ANGPTL5: variants seen among roughly 807,000 people sequenced by gnomAD.
The protein encoded by ANGPTL5 is angiopoietin-related protein 5.
A neutral mutation model predicts 39.4 loss-of-function variants in ANGPTL5; 34 were observed. The ratio of observed to expected loss-of-function variants is 0.86; its 90% confidence interval spans 0.66 to 1.15. The LOEUF (loss-of-function observed/expected upper bound fraction) is 1.15. ANGPTL5 is among the 50% of genes most tolerant of loss of function. ANGPTL5 has a pLI of 0.00. For synonymous variants in ANGPTL5, 146 were observed against 152.1 expected (o/e 0.96, Z 0.29); for missense variants, 467 against 457.5 (o/e 1.02, Z -0.19).
chr11:101,899,623 A>C (rs1939859590), intron 7 of ANGPTL5, among the ~76,000 whole-genome samples: 1 of 152,244 alleles, frequency 6.6e-6, no homozygotes, highest in Non-Finnish European at 1.5e-5. Context: ...AAGTAAATTC[A>C]CTATACTCCA....
intron 7 of ANGPTL5, among the ~76,000 whole-genome samples, chr11:101,898,719 T>C (rs978516560): frequency 2.0e-5 from 3 of 152,210 alleles, no homozygotes; most frequent in Admixed American, 2.0e-4. Context: ...CCTTGTCTTG[T>C]GCTGTTTTTC....
chr11:101,900,349 A>T, intron 7 of ANGPTL5, 81 bp downstream of exon 7: 1 of 1,317,416 alleles, frequency 7.6e-7, no homozygotes, highest in Non-Finnish European at 1.1e-6. Context: ...TATTTTTACT[A>T]CAGATCTGAC....
chr11:101,897,345 A>C (rs942339462), intron 7 of ANGPTL5, among the ~76,000 whole-genome samples: 1 of 152,024 alleles, frequency 6.6e-6, no homozygotes, highest in Non-Finnish European at 1.5e-5. Context: ...GCTGTGCAGG[A>C]GCTCTTTAGT....
intron 6 of ANGPTL5, among the ~76,000 whole-genome samples, chr11:101,901,816 G>A (rs187824115): frequency 7.2e-5 from 11 of 152,000 alleles, no homozygotes; most frequent in East Asian, 1.9e-4. Flanking sequence ...AAGAGAAACC[G>A]GTAGTATTTA....
intron 1 of ANGPTL5, among the ~76,000 whole-genome samples, chr11:101,914,679 A>G (rs771600916): frequency 3.9e-5 from 6 of 152,226 alleles, no homozygotes; most frequent in Non-Finnish European, 8.8e-5. Flanking sequence ...AGGATTCAGT[A>G]GTTTAACAAA....
intron 8 of ANGPTL5, among the ~76,000 whole-genome samples, chr11:101,894,341 A>G (rs1939755150): frequency 6.6e-6 from 1 of 152,250 alleles, no homozygotes; most frequent in Admixed American, 6.5e-5. Context: ...CAAGTTTAAC[A>G]TCAAGTATTT....
intron 5 of ANGPTL5, among the ~76,000 whole-genome samples, chr11:101,903,139 A>G (rs1009929027): frequency 5.9e-5 from 9 of 152,168 alleles, no homozygotes; most frequent in African/African-American, 1.9e-4. Context: ...ATTAACCACT[A>G]CAGACACATA....
chr11:101,907,296 T>G, intron 2 of ANGPTL5, 49 bp from the exon 3 acceptor site: 3 of 1,155,666 alleles, frequency 2.6e-6, no homozygotes, highest in Non-Finnish European at 2.5e-6. Flanking sequence ...AAACATGTTA[T>G]ATGACCTAAT....
chr11:101,912,960 T>TTA (rs1176368515), intron 1 of ANGPTL5, among the ~76,000 whole-genome samples: 1 of 152,226 alleles, frequency 6.6e-6, no homozygotes, highest in Non-Finnish European at 1.5e-5. Context: ...AGTCATGCAC[T>TTA]CCTACACTTA....
At chr11:101,905,636 C>T in intron 4 of ANGPTL5, 108 bp downstream of exon 4, 1 of 793,912 alleles carries the variant, frequency 1.3e-6, no homozygotes, top group Non-Finnish European at 2.1e-6. Context: ...ATGGTAGGCG[C>T]TAAATAGATG....
intron 6 of ANGPTL5, among the ~76,000 whole-genome samples, chr11:101,900,807 G>A (rs1258204928): frequency 1.3e-5 from 2 of 151,786 alleles, no homozygotes; most frequent in Non-Finnish European, 2.9e-5. Flanking sequence ...CTTAATCACA[G>A]TCCTTATAAC....
rs1019706927 is a variant in ANGPTL5, at chr11:101,894,793, G to C, written c.847+86C>G. On this transcript the variant is annotated intron_variant, in intron 8 of 8. Coordinates refer to ENST00000334289, the MANE Select transcript of ANGPTL5 (RefSeq NM_178127.5). ...TTATCAGTTATGTGTTATATACAAA[G>C]ACAAATGCATTATTTTTATCTTCAC... is the stretch of plus-strand genomic sequence containing the variant. The C allele has an allele frequency of 2.4e-6, 3 of 1,275,238 alleles. No homozygotes were observed. In the East Asian group the frequency reaches 7.3e-5, roughly 31 times the overall value. The allele number at this position is 1,275,238 out of a possible 1,614,324, so 79.0% of individuals were successfully genotyped here.
intron 1 of ANGPTL5, among the ~76,000 whole-genome samples, chr11:101,908,494 C>T (rs1016915021): frequency 1.3e-5 from 2 of 152,042 alleles, no homozygotes; most frequent in African/African-American, 4.8e-5. Context: ...TGCCAAATCT[C>T]AACGCTGGGC....
intron 8 of ANGPTL5, among the ~76,000 whole-genome samples, chr11:101,893,383 C>A (rs1939737072): frequency 6.6e-6 from 1 of 152,176 alleles, no homozygotes; most frequent in African/African-American, 2.4e-5. Flanking sequence ...TTGTGACCTG[C>A]CTTTACCAAA....
At chr11:101,905,274 T>A (rs1350515117) in intron 4 of ANGPTL5, among the ~76,000 whole-genome samples, 1 of 152,194 alleles carries the variant, frequency 6.6e-6, no homozygotes, top group African/African-American at 2.4e-5. Flanking sequence ...CAGTGGCTCC[T>A]TGGTGTGGTA....
chr11:101,896,156 ATATTTATTTATTTATTTATTTATT>A (rs55980962), intron 7 of ANGPTL5, among the ~76,000 whole-genome samples: 4 of 139,622 alleles, frequency 2.9e-5, no homozygotes, highest in African/African-American at 5.4e-5. Flanking sequence ...CTGTAATCCT[ATATTTATTTATTTATTTATTTATT>A]TATTTATTTA....
At chr11:101,903,752 T>C (rs1202802810) in intron 5 of ANGPTL5, among the ~76,000 whole-genome samples, 1 of 152,140 alleles carries the variant, frequency 6.6e-6, no homozygotes, top group Non-Finnish European at 1.5e-5. Flanking sequence ...TGGGTTGGAG[T>C]GTCTGCTATG....
chr11:101,914,749 G>A (rs1323315581), intron 1 of ANGPTL5, among the ~76,000 whole-genome samples: 4 of 152,206 alleles, frequency 2.6e-5, no homozygotes, highest in Non-Finnish European at 4.4e-5. Flanking sequence ...GCAATTGCCT[G>A]TATCTGAGGA....
rs1591257808 is a variant in ANGPTL5, at chr11:101,905,835, T to G, written c.254A>C (p.Asn85Thr). The change falls in exon 4 of 9, where the codon AAT (asparagine) becomes ACT (threonine). Residue 85 changes from asparagine to threonine, a missense_variant. Transcript: ENST00000334289. ...ACTTCTTGTGTAGGAAACAATAGAA[T>G]TTTGCAAATTTCCTTAACCATAATA... ...EKHFMCRNLQ[N>T]SIVSYTRSTK... The G allele has an allele frequency of 2.5e-6, 4 of 1,604,304 alleles. No homozygotes were observed. Among genetic ancestry groups the G allele is most frequent in the Non-Finnish European group, 3.4e-6 (4 of 1,172,798 alleles).
Sources: gnomAD v4.1 joint callset for allele counts (sites outside exome capture counted in the v4.1 genomes callset) on GRCh38, gnomAD v4.1.1 for gene constraint, MANE v1.5 for transcripts, NCBI Gene and HGNC (gene_info 2026-07-23, HGNC 2026-07-21) for gene names.